Variants in TRABD2A observed in about 807,000 individuals in gnomAD.
TRABD2A encodes metalloprotease TIKI1.
In TRABD2A, 43 loss-of-function variants were observed where a neutral mutation model predicts 45.6. That is an observed-to-expected ratio of 0.94 (90% CI 0.74 to 1.22). The LOEUF (loss-of-function observed/expected upper bound fraction) is 1.22. Ranked by LOEUF, TRABD2A falls within the 50% of genes most tolerant of loss-of-function variation. TRABD2A has a pLI of 0.00. For synonymous variants in TRABD2A, 269 were observed against 265.0 expected (o/e 1.02, Z -0.15); for missense variants, 642 against 652.4 (o/e 0.98, Z 0.17).
At chr2:84,868,338 A>C (rs1004093585) in intron 2 of TRABD2A, among the ~76,000 whole-genome samples, 1 of 151,972 alleles carries the variant, frequency 6.6e-6, no homozygotes, top group African/African-American at 2.4e-5. Flanking sequence ...TCGCAAGGAC[A>C]AAAAACCAAA....
chr2:84,872,513 AAGAG>A (rs202056982), intron 1 of TRABD2A, among the ~76,000 whole-genome samples: 2 of 151,992 alleles, frequency 1.3e-5, no homozygotes, highest in Non-Finnish European at 2.9e-5. Context: ...AAAAGAAAGA[AAGAG>A]AGAGAGAAGG....
chr2:84,850,857 C>T (rs1451361314), intron 2 of TRABD2A: 1 of 152,332 alleles, frequency 6.6e-6, no homozygotes, highest in African/African-American at 2.4e-5. Flanking sequence ...CAGCCCCTTC[C>T]TCCACCACCT....
At chr2:84,837,351 GTCCAAGATATTAACT>G (rs1681551879) in intron 4 of TRABD2A, 1 of 152,280 alleles carries the variant, frequency 6.6e-6, no homozygotes, top group South Asian at 2.1e-4. Flanking sequence ...TTTCTAGTAA[GTCCAAGATATTAACT>G]TCCTCAAGGA....
At chr2:84,861,141 T>G (rs1682483261) in intron 2 of TRABD2A, among the ~76,000 whole-genome samples, 1 of 152,162 alleles carries the variant, frequency 6.6e-6, no homozygotes. Flanking sequence ...GGGCTTTACC[T>G]TTGGCACCAG....
At chr2:84,842,963 C>T (rs1681761201) in intron 2 of TRABD2A, among the ~76,000 whole-genome samples, 1 of 151,382 alleles carries the variant, frequency 6.6e-6, no homozygotes, top group African/African-American at 2.4e-5. Flanking sequence ...CAGCTCTGAC[C>T]CAGATCTCCA....
intron 2 of TRABD2A, among the ~76,000 whole-genome samples, chr2:84,868,575 TTAAC>T (rs1376344325): frequency 6.6e-6 from 1 of 152,104 alleles, no homozygotes; most frequent in Non-Finnish European, 1.5e-5. Context: ...CATTAACTAA[TTAAC>T]TAATGGGTGC....
rs745557829 is a variant in TRABD2A, at chr2:84,860,746, CCA to C, written c.669+9477_669+9478del. The stretch of plus-strand genomic sequence containing the variant: ...CTTATTTCCTTCTCTCTTTCATCCT[CCA>C]CAGTTTCTCCTCTCTGCCTTGTAGG... On this transcript the variant is annotated intron_variant, in intron 2 of 6. Coordinates refer to ENST00000409520, the MANE Select transcript of TRABD2A (RefSeq NM_001277053.2). Among the ~76,000 whole-genome samples the C allele has an allele frequency of 3.3e-5, 5 of 152,254 alleles. No homozygotes were observed. The South Asian group carries it at 6.2e-4, about 19-fold the overall frequency.
intron 1 of TRABD2A, among the ~76,000 whole-genome samples, chr2:84,878,114 C>T (rs373988924): frequency 5.3e-5 from 8 of 152,086 alleles, no homozygotes; most frequent in South Asian, 4.1e-4. Context: ...GTCACCTTTA[C>T]GAGAGTAATC....
At chr2:84,859,149 G>A (rs1235533151) in intron 2 of TRABD2A, among the ~76,000 whole-genome samples, 2 of 152,168 alleles carry the variant, frequency 1.3e-5, no homozygotes, top group Admixed American at 6.6e-5. Context: ...TAACATTATT[G>A]TGTAAGCAGC....
rs1180294655 is a variant in TRABD2A at position 84,840,116 on chromosome 2, C to CCTG, written c.817-796_817-794dup. On this transcript the variant is annotated intron_variant, in intron 3 of 6. Coordinates refer to ENST00000409520, the MANE Select transcript of TRABD2A (RefSeq NM_001277053.2). The stretch of plus-strand genomic sequence containing the variant: ...ATTATCTTGGTCAGTATCTACCCTG[C>CCTG]CTGCTGCTGCTGCTTCCAGTAGCCT... Among the ~76,000 whole-genome samples, 8 of 152,242 alleles carry CCTG rather than the reference C, an allele frequency of 5.3e-5. No homozygotes were observed. The East Asian group carries it at 1.5e-3, about 29-fold the overall frequency.
At position 84,839,239 on chromosome 2, in the gene TRABD2A, T is replaced by A; in HGVS notation, c.901A>T (p.Ile301Phe). 6.2e-7 allele frequency: 1 copy of A among 1,613,900 alleles called. No homozygotes were observed. The highest frequency in any genetic ancestry group is 2.2e-5 in the East Asian group (1 of 44,880). ...CCTATTCTCTCATTCCGCTTGTAGA[T>A]CAGCTCCCGGCGTAAGTAGCTGTCA... is the stretch of plus-strand genomic sequence containing the variant. The part of the protein sequence containing the change: ...EIDSYLRREL[I>F]YKRNERIGKR... Residue 301 changes from isoleucine (I) to phenylalanine (F), a missense_variant, in exon 4 of 7, where the codon ATC (isoleucine) becomes TTC (phenylalanine). Physicochemically the swap from Ile to Phe is conservative, Grantham distance 21. Coordinates refer to ENST00000409520, the MANE Select transcript of TRABD2A (RefSeq NM_001277053.2).
chr2:84,873,513 T>C (rs1160725714), intron 1 of TRABD2A, among the ~76,000 whole-genome samples: 1 of 152,224 alleles, frequency 6.6e-6, no homozygotes, highest in Non-Finnish European at 1.5e-5. Flanking sequence ...GGCATCCTCT[T>C]ATGCAGTAAT....
chr2:84,877,438 T>G (rs1257473028), intron 1 of TRABD2A, among the ~76,000 whole-genome samples: 2 of 152,104 alleles, frequency 1.3e-5, no homozygotes, highest in African/African-American at 2.4e-5. Flanking sequence ...TTGTTGCAAC[T>G]GTTCCCAGAA....
At chr2:84,831,608 T>C (rs1299286285) in intron 5 of TRABD2A, among the ~76,000 whole-genome samples, 3 of 151,472 alleles carry the variant, frequency 2.0e-5, no homozygotes, top group African/African-American at 7.3e-5. Context: ...CTCCTGCCCC[T>C]GAGAAGGGTG....
chr2:84,872,858 T>G (rs1682907431), intron 1 of TRABD2A, among the ~76,000 whole-genome samples: 1 of 152,174 alleles, frequency 6.6e-6, no homozygotes. Context: ...CTCACGCCTG[T>G]AATTCCAGCA....
chr2:84,840,043 C>G (rs576104396), intron 3 of TRABD2A, among the ~76,000 whole-genome samples: 72 of 152,210 alleles, frequency 4.7e-4, no homozygotes, highest in African/African-American at 1.6e-3. Context: ...CACTCCTCCC[C>G]CTGGGTGCAT....
intron 4 of TRABD2A, chr2:84,833,582 T>G (rs952238840): frequency 6.6e-6 from 1 of 152,140 alleles, no homozygotes; most frequent in Non-Finnish European, 1.5e-5. Flanking sequence ...CATTTTGCAA[T>G]TAAAAGTTTG....
intron 2 of TRABD2A, among the ~76,000 whole-genome samples, chr2:84,851,408 T>G (rs1333305728): frequency 6.6e-6 from 1 of 152,166 alleles, no homozygotes; most frequent in African/African-American, 2.4e-5. Context: ...TTTTTTAGAG[T>G]GTACCAGAAG....
intron 4 of TRABD2A, chr2:84,832,409 G>T (rs1276925930): frequency 1.1e-5 from 5 of 466,550 alleles, no homozygotes; most frequent in Non-Finnish European, 2.0e-5. Context: ...AAGCTAAGGG[G>T]ATAGCCTGGA....
Sources: allele counts gnomAD v4.1 joint callset (sites outside exome capture counted in the v4.1 genomes callset), GRCh38; gene constraint gnomAD v4.1.1; transcripts MANE v1.5; gene names NCBI Gene and HGNC (gene_info 2026-07-23, HGNC 2026-07-21).